FHIP1A: variants seen among roughly 807,000 people sequenced by gnomAD.
FHIP1A encodes FHF complex subunit HOOK interacting protein 1A.
In FHIP1A, 61 loss-of-function variants were observed where a neutral mutation model predicts 88.6. The ratio of observed to expected loss-of-function variants is 0.69; its 90% CI spans 0.56 to 0.85. The LOEUF (loss-of-function observed/expected upper bound fraction) is 0.85. Among genes scored for constraint, FHIP1A ranks in the 40% least tolerant of loss-of-function variants. The pLI, the probability that FHIP1A is intolerant of heterozygous loss-of-function variation, is 0.00. For synonymous variants in FHIP1A, 478 were observed against 496.0 expected (o/e 0.96, Z 0.48); for missense variants, 1,154 against 1,273.5 (o/e 0.91, Z 1.43).
At chr4:151,648,803 C>G (rs1460278465) in intron 10 of FHIP1A, among the ~76,000 whole-genome samples, 1 of 151,270 alleles carries the variant, frequency 6.6e-6, no homozygotes, top group Non-Finnish European at 1.5e-5. Context: ...AAAATGTAAA[C>G]TCATAGGAAG....
chr4:151,535,133 T>C (rs1356043873), intron 3 of FHIP1A, among the ~76,000 whole-genome samples: 2 of 152,234 alleles, frequency 1.3e-5, no homozygotes, highest in East Asian at 1.9e-4. Context: ...AGAGGATTGC[T>C]TGAGCCCCGG....
chr4:151,641,582 A>ATGTG (rs1736592840), intron 9 of FHIP1A, among the ~76,000 whole-genome samples: 1 of 152,098 alleles, frequency 6.6e-6, no homozygotes, highest in Non-Finnish European at 1.5e-5. Flanking sequence ...AGTGTATTTT[A>ATGTG]TGTGTGGCCC....
At chr4:151,442,225 CA>C (rs1329643184) in intron 1 of FHIP1A, among the ~76,000 whole-genome samples, 1 of 151,994 alleles carries the variant, frequency 6.6e-6, no homozygotes, top group East Asian at 1.9e-4. Flanking sequence ...AGGGTGTTCC[CA>C]TGTTATAATG....
intron 3 of FHIP1A, among the ~76,000 whole-genome samples, chr4:151,500,740 G>A (rs1418860631): frequency 2.0e-5 from 3 of 152,144 alleles, no homozygotes; most frequent in African/African-American, 7.2e-5. Flanking sequence ...GATATTTTTA[G>A]ATCATTCCAG....
In FHIP1A at chr4:151,548,929, G is replaced by T. The variant is rs978379924; in HGVS notation, c.-122-17209G>T. On this transcript the variant is annotated intron_variant, in intron 3 of 13. Coordinates refer to ENST00000435205, the MANE Select transcript of FHIP1A (RefSeq NM_001109977.3). The stretch of plus-strand genomic sequence containing the variant: ...ACTTTCTGCAGAAAGGGTGCCCCTC[G>T]CAGATGGAACAATGGTGAGAGCACA... Among the ~76,000 whole-genome samples the T allele has an allele frequency of 2.0e-5, 3 of 152,186 alleles. No homozygotes were observed. In the East Asian group the frequency reaches 5.8e-4, roughly 29 times the overall value.
chr4:151,558,584 A>G lies in FHIP1A; in HGVS notation c.-122-7554A>G, dbSNP rs539854279. Among the ~76,000 whole-genome samples, 9 of 152,212 alleles carry G rather than the reference A, an allele frequency of 5.9e-5. No individual in the cohort carries two copies. The South Asian group carries it at 1.9e-3, about 32-fold the overall frequency. ...ACAAACAGAAAAAGTGTTGCAGTGA[A>G]TAGTGCTCAAACTGCTTAAGTGAAG... On this transcript the variant is annotated intron_variant, in intron 3 of 13. Coordinates refer to ENST00000435205, the MANE Select transcript of FHIP1A (RefSeq NM_001109977.3).
intron 7 of FHIP1A, among the ~76,000 whole-genome samples, chr4:151,614,801 A>G (rs1578819748): frequency 6.6e-6 from 1 of 152,214 alleles, no homozygotes; most frequent in African/African-American, 2.4e-5. Flanking sequence ...GTGGCAGCTT[A>G]ATGTATTGTC....
intron 3 of FHIP1A, among the ~76,000 whole-genome samples, chr4:151,527,670 T>C (rs1010576619): frequency 6.6e-6 from 1 of 152,190 alleles, no homozygotes; most frequent in African/African-American, 2.4e-5. Flanking sequence ...AAGTTAAAGG[T>C]CTGCAATGCT....
chr4:151,452,327 G>A lies in FHIP1A; in HGVS notation c.-355-2374G>A, dbSNP rs573425272. 9.9e-5 allele frequency among the ~76,000 whole-genome samples: 15 copies of A among 152,266 alleles called. No homozygotes were observed. The South Asian group carries it at 2.1e-3, about 21-fold the overall frequency. On this transcript the variant is annotated intron_variant, in intron 1 of 13. Coordinates refer to ENST00000435205, the MANE Select transcript of FHIP1A (RefSeq NM_001109977.3). ...TGTATTCTGGCAGATAAAAATGTCCGTGCTTGGAAAATATGGACACCTTAG... is the reference window on the plus strand; with the variant it reads ...TGTATTCTGGCAGATAAAAATGTCCATGCTTGGAAAATATGGACACCTTAG...
At chr4:151,566,060 T>C (rs777655171) in intron 3 of FHIP1A, 78 bp from the exon 4 acceptor site, 15 of 416,468 alleles carry the variant, frequency 3.6e-5, no homozygotes, top group Admixed American at 2.1e-4. Context: ...GTCTAAGCTT[T>C]GATTTAAATT....
chr4:151,579,405 A>G (rs1733939198), intron 5 of FHIP1A, among the ~76,000 whole-genome samples: 1 of 152,168 alleles, frequency 6.6e-6, no homozygotes, highest in South Asian at 2.1e-4. Context: ...CATGAACCTT[A>G]AACTGCTCTA....
intron 10 of FHIP1A, among the ~76,000 whole-genome samples, chr4:151,649,034 G>C (rs1343736963): frequency 6.6e-6 from 1 of 152,082 alleles, no homozygotes; most frequent in Non-Finnish European, 1.5e-5. Context: ...AAAACGTCTG[G>C]TTCTCAGATT....
intron 3 of FHIP1A, among the ~76,000 whole-genome samples, chr4:151,489,606 G>A (rs911784896): frequency 6.6e-6 from 1 of 152,184 alleles, no homozygotes; most frequent in African/African-American, 2.4e-5. Flanking sequence ...CTGCTTGCCA[G>A]CTGCTGGATA....
intron 1 of FHIP1A, among the ~76,000 whole-genome samples, chr4:151,453,078 G>A (rs1039647631): frequency 2.6e-5 from 4 of 151,448 alleles, no homozygotes; most frequent in Non-Finnish European, 5.9e-5. Flanking sequence ...GTACAGTGGC[G>A]TGATCTCGGC....
At chr4:151,524,171 A>G (rs1033881993) in intron 3 of FHIP1A, among the ~76,000 whole-genome samples, 1 of 152,050 alleles carries the variant, frequency 6.6e-6, no homozygotes, top group African/African-American at 2.4e-5. Context: ...GCGTGGTGGC[A>G]CGCGCCTGTA....
chr4:151,492,093 G>C (rs752511287), intron 3 of FHIP1A, among the ~76,000 whole-genome samples: 1 of 152,072 alleles, frequency 6.6e-6, no homozygotes, highest in Non-Finnish European at 1.5e-5. Context: ...TAGACAGGTC[G>C]TCAAGACAGA....
intron 13 of FHIP1A, among the ~76,000 whole-genome samples, 165 bp downstream of exon 13, chr4:151,657,063 A>G (rs1375030893): frequency 6.6e-6 from 1 of 152,152 alleles, no homozygotes; most frequent in East Asian, 1.9e-4. Context: ...GCATTCTTAA[A>G]CCTAAAGAAA....
chr4:151,603,370 T>C (rs1734950577), intron 7 of FHIP1A, among the ~76,000 whole-genome samples: 1 of 152,088 alleles, frequency 6.6e-6, no homozygotes, highest in South Asian at 2.1e-4. Context: ...CTGGGGCTTC[T>C]GACTCCCTGG....
At chr4:151,486,732 C>G (rs184980019) in intron 3 of FHIP1A, among the ~76,000 whole-genome samples, 8 of 151,898 alleles carry the variant, frequency 5.3e-5, no homozygotes, top group Non-Finnish European at 1.0e-4. Flanking sequence ...TTTGGGAGGT[C>G]GAGGCGGGCG....
Sources: allele counts gnomAD v4.1 joint callset (sites outside exome capture counted in the v4.1 genomes callset), GRCh38; gene constraint gnomAD v4.1.1; transcripts MANE v1.5; gene names NCBI Gene and HGNC (gene_info 2026-07-23, HGNC 2026-07-21).